SH3GLB1: variants seen among roughly 807,000 people sequenced by gnomAD.
The protein encoded by SH3GLB1 is endophilin-B1.
In SH3GLB1, 17 loss-of-function variants were observed where a neutral mutation model predicts 42.0. That is an observed-to-expected ratio of 0.40 (90% CI 0.28 to 0.61). The LOEUF (loss-of-function observed/expected upper bound fraction) is 0.61, where lower values mean the gene tolerates loss of function less well. SH3GLB1 is among the 20% of genes least tolerant of loss of function. SH3GLB1 has a pLI of 0.36. For missense variants in SH3GLB1, 355 were observed against 426.3 expected, an observed-to-expected ratio of 0.83 and a Z score of 1.47; for synonymous variants, 132 against 146.6, an observed-to-expected ratio of 0.90 and a Z score of 0.72.
chr1:86,746,780 A>G lies in SH3GLB1; in HGVS notation c.*3545A>G, dbSNP rs1005688961. On this transcript the variant is annotated 3_prime_UTR_variant, in exon 9 of 9. Coordinates refer to ENST00000370558, the MANE Select transcript of SH3GLB1 (RefSeq NM_016009.5). ...CTACTCGGGAGGCTGAGGCAGGAGA[A>G]TCACTTGAACCCCAGAGGCAGAGGC... 1 of 152,292 alleles carries G rather than the reference A, an allele frequency of 6.6e-6. No individual in the cohort carries two copies. The highest frequency in any genetic ancestry group is 2.4e-5 in the African/African-American group (1 of 41,442). The allele number at this position is 152,292 out of a possible 1,614,324, so 9.4% of individuals were successfully genotyped here. A position where few individuals can be genotyped will look rare whatever the true frequency, so the allele number is the denominator to read the frequency against.
intron 7 of SH3GLB1, among the ~76,000 whole-genome samples, chr1:86,739,115 G>A (rs1655929207): frequency 1.3e-5 from 2 of 152,224 alleles, no homozygotes; most frequent in Admixed American, 6.5e-5. Context: ...CATTTAAGTG[G>A]AGGTATCCAA....
intron 5 of SH3GLB1, among the ~76,000 whole-genome samples, chr1:86,730,791 C>T (rs964535450): frequency 2.0e-5 from 3 of 152,090 alleles, no homozygotes; most frequent in African/African-American, 7.2e-5. Flanking sequence ...CGTGAGCCAC[C>T]GTACCCGGCC....
chr1:86,717,253 A>T (rs1000543598), intron 2 of SH3GLB1, among the ~76,000 whole-genome samples: 1 of 152,260 alleles, frequency 6.6e-6, no homozygotes, highest in African/African-American at 2.4e-5. Flanking sequence ...TAAAAGTAAT[A>T]GACATTTTTC....
chr1:86,710,195 T>TA, intron 1 of SH3GLB1, among the ~76,000 whole-genome samples: 1 of 152,358 alleles, frequency 6.6e-6, no homozygotes, highest in South Asian at 2.1e-4. Flanking sequence ...AATTTACACT[T>TA]ATGTACTACA....
intron 4 of SH3GLB1, among the ~76,000 whole-genome samples, chr1:86,723,387 G>T (rs1654979595): frequency 1.3e-5 from 2 of 152,108 alleles, no homozygotes; most frequent in Non-Finnish European, 2.9e-5. Flanking sequence ...GGTGGCAGGT[G>T]CCTGTAATTC....
At chr1:86,719,093 G>C (rs1444896256) in intron 2 of SH3GLB1, among the ~76,000 whole-genome samples, 1 of 152,154 alleles carries the variant, frequency 6.6e-6, no homozygotes, top group Non-Finnish European at 1.5e-5. Context: ...GTTCTTCCAG[G>C]TACTTTATAT....
Position 86,715,866 on chromosome 1 carries a change from G to C in SH3GLB1, c.214+1G>C. The C allele has an allele frequency of 6.2e-7, 1 of 1,606,384 alleles. No homozygotes were observed. The highest frequency in any genetic ancestry group is 8.5e-7 in the Non-Finnish European group (1 of 1,178,346). Reference sequence around the variant, plus strand: ...GAAGTGTTATTGCAGCCAAATCCAAGTAAGAAACTCTACCTCTTGTGTACC... The same window carrying C: ...GAAGTGTTATTGCAGCCAAATCCAACTAAGAAACTCTACCTCTTGTGTACC... On this transcript the variant is annotated splice_donor_variant, in intron 2 of 8. Coordinates refer to ENST00000370558, the MANE Select transcript of SH3GLB1 (RefSeq NM_016009.5). LOFTEE classifies it high-confidence loss of function.
intron 7 of SH3GLB1, among the ~76,000 whole-genome samples, chr1:86,738,234 GTTGTTTGTTTTTTGT>G (rs1461310785): frequency 3.4e-4 from 45 of 133,386 alleles, no homozygotes; most frequent in African/African-American, 1.6e-3. Context: ...GCCTGTGGGT[GTTGTTTGTTTTTTGT>G]TTGTTTGTTT....
chr1:86,729,167 A>C (rs1655375283), intron 5 of SH3GLB1, among the ~76,000 whole-genome samples: 1 of 152,162 alleles, frequency 6.6e-6, no homozygotes, highest in Non-Finnish European at 1.5e-5. Context: ...CATAGCCAAC[A>C]ATTTGTGCAC....
chr1:86,719,765 GT>G (rs1654756300), intron 3 of SH3GLB1, 130 bp downstream of exon 3: 1 of 818,536 alleles, frequency 1.2e-6, no homozygotes, highest in African/African-American at 1.8e-5. Flanking sequence ...GGTGGTTGAG[GT>G]GGGCGGATCA....
intron 6 of SH3GLB1, 65 bp downstream of exon 6, chr1:86,734,756 G>A: frequency 1.6e-6 from 2 of 1,217,184 alleles, no homozygotes; most frequent in South Asian, 2.6e-5. Context: ...GCAATTTTGG[G>A]AGGAAAAACT....
intron 1 of SH3GLB1, among the ~76,000 whole-genome samples, chr1:86,706,539 A>G (rs1163442559): frequency 1.3e-5 from 2 of 152,232 alleles, no homozygotes; most frequent in African/African-American, 4.8e-5. Flanking sequence ...ACTAGCTTCT[A>G]ATAGTTCAAA....
rs1656379902 is a variant in SH3GLB1 at position 86,747,953 on chromosome 1, T to C, written c.*4718T>C. On this transcript the variant is annotated 3_prime_UTR_variant, in exon 9 of 9. Coordinates refer to ENST00000370558, the MANE Select transcript of SH3GLB1 (RefSeq NM_016009.5). ...GGAGAACCACTGTTATTTAAGTATATGGCCTTCCAGACTTTTCTGTGCATT... is the reference window on the plus strand; with the variant it reads ...GGAGAACCACTGTTATTTAAGTATACGGCCTTCCAGACTTTTCTGTGCATT... 6.6e-6 allele frequency: 1 copy of C among 152,242 alleles called. No homozygotes were observed. Among genetic ancestry groups the C allele is most frequent in the Non-Finnish European group, 1.5e-5 (1 of 68,046 alleles). The allele number at this position is 152,242 out of a possible 1,614,324, so 9.4% of individuals were successfully genotyped here.
intron 5 of SH3GLB1, among the ~76,000 whole-genome samples, chr1:86,724,892 A>AATATATATATATATATAT (rs58927851): frequency 4.6e-4 from 46 of 99,530 alleles, no homozygotes; most frequent in South Asian, 1.2e-3. Flanking sequence ...AAAAAAAAAA[A>AATATATATATATATATAT]ATATATATAT....
chr1:86,705,298 G>T (rs1290126182), intron 1 of SH3GLB1, among the ~76,000 whole-genome samples: 2 of 152,192 alleles, frequency 1.3e-5, no homozygotes, highest in African/African-American at 4.8e-5. Flanking sequence ...CCACCCCGGG[G>T]CTGGCGGAGG....
intron 1 of SH3GLB1, 37 bp downstream of exon 1, chr1:86,705,008 C>G: frequency 6.9e-7 from 1 of 1,453,144 alleles, no homozygotes; most frequent in Non-Finnish European, 9.4e-7. Flanking sequence ...GTGGCGGCGC[C>G]CGGGAAGGTT....
Position 86,704,891 on chromosome 1 carries a change from C to T in SH3GLB1, c.-9C>T. ...TAGGTCGGCCGGCTCCGCCCGGCTG[C>T]CGCCTAGGATGAATATCATGGACTT... On this transcript the variant is annotated 5_prime_UTR_variant, in exon 1 of 9. Transcript: ENST00000370558. 6.4e-7 allele frequency: 1 copy of T among 1,565,362 alleles called. No homozygotes were observed. The highest frequency in any genetic ancestry group is 8.6e-7 in the Non-Finnish European group (1 of 1,158,424).
intron 4 of SH3GLB1, among the ~76,000 whole-genome samples, chr1:86,723,785 C>A (rs371850142): frequency 6.6e-6 from 1 of 152,194 alleles, no homozygotes; most frequent in Non-Finnish European, 1.5e-5. Flanking sequence ...GGACACCAGG[C>A]GTCAAGGAAC....
At chr1:86,717,135 A>C (rs183567877) in intron 2 of SH3GLB1, among the ~76,000 whole-genome samples, 3 of 152,294 alleles carry the variant, frequency 2.0e-5, no homozygotes, top group African/African-American at 7.2e-5. Flanking sequence ...AAAAGTTGGA[A>C]ATAAAATAAG....
Sources: allele counts gnomAD v4.1 joint callset (sites outside exome capture counted in the v4.1 genomes callset), GRCh38; gene constraint gnomAD v4.1.1; transcripts MANE v1.5; gene names NCBI Gene and HGNC (gene_info 2026-07-23, HGNC 2026-07-21).